The following GLIS3 variants were observed in gnomAD, a reference collection of about 807,000 sequenced individuals.
GLIS3 encodes the protein GLIS family zinc finger 3, also known as zinc finger protein GLIS3.
Under a neutral mutation model 78.6 loss-of-function variants are expected in GLIS3, and 53 were observed. The observed-to-expected ratio is 0.67, with a 90% CI of 0.54 to 0.85. GLIS3 has a LOEUF of 0.85. GLIS3 is among the 40% of genes least tolerant of loss of function. The probability of loss-of-function intolerance (pLI) is 0.00; values close to 1 mark genes in which losing one functional copy is unlikely to be tolerated. For synonymous variants in GLIS3, 684 were observed against 509.9 expected (o/e 1.34, Z -4.60); for missense variants, 1,703 against 1,231.1 (o/e 1.38, Z -5.74).
At chr9:4,045,461 G>T (rs572631291) in intron 4 of GLIS3, among the ~76,000 whole-genome samples, 1 of 151,368 alleles carries the variant, frequency 6.6e-6, no homozygotes, top group Non-Finnish European at 1.5e-5. Flanking sequence ...TCAGCCTCCC[G>T]AGTAGCTGGG....
At chr9:4,054,509 G>C (rs1418485880) in intron 4 of GLIS3, 2 of 985,126 alleles carry the variant, frequency 2.0e-6, no homozygotes, top group East Asian at 2.3e-4. Flanking sequence ...TACAGAAATG[G>C]CAGTCTACAG....
At chr9:4,007,802 G>C (rs999444901) in intron 4 of GLIS3, among the ~76,000 whole-genome samples, 1 of 148,764 alleles carries the variant, frequency 6.7e-6, no homozygotes, top group African/African-American at 2.5e-5. Context: ...TCTTGCTTTG[G>C]AAGGATCAGG....
rs912716937 is a variant in GLIS3, at chr9:4,258,082, A to C, written c.388+27956T>G. ...TATGCCTATGTACACACAACACAAA[A>C]CTAGAACAGCAGTAGGGCTAGGGTT... is the stretch of plus-strand genomic sequence containing the variant. On this transcript the variant is annotated intron_variant, in intron 2 of 10. Coordinates refer to ENST00000381971, the MANE Select transcript of GLIS3 (RefSeq NM_001042413.2). 3.9e-5 allele frequency among the ~76,000 whole-genome samples: 6 copies of C among 152,070 alleles called. No individual in the cohort carries two copies. The East Asian group carries it at 9.6e-4, about 24-fold the overall frequency.
chr9:4,227,594 C>T (rs1304377021), intron 2 of GLIS3, among the ~76,000 whole-genome samples: 1 of 152,124 alleles, frequency 6.6e-6, no homozygotes, highest in Admixed American at 6.5e-5. Flanking sequence ...CTGGAAAAGC[C>T]AGTAACTGCA....
In GLIS3 at chr9:3,932,341, G is replaced by A. The variant is rs185834040; in HGVS notation, c.1983+19C>T. On this transcript the variant is annotated intron_variant, in intron 6 of 10. Coordinates refer to ENST00000381971, the MANE Select transcript of GLIS3 (RefSeq NM_001042413.2). ...CTGAACATGCTTTTCCCGACTGGAA[G>A]ATTCTCTTTTAAAATTACCTTTTTC... The A allele has an allele frequency of 6.0e-4, 941 of 1,566,822 alleles. No homozygotes were observed. Among genetic ancestry groups the A allele is most frequent in the Non-Finnish European group, 7.7e-4 (879 of 1,137,404 alleles).
chr9:3,900,019 T>G (rs1021618771), intron 6 of GLIS3, among the ~76,000 whole-genome samples: 16 of 152,020 alleles, frequency 1.1e-4, no homozygotes, highest in Admixed American at 5.9e-4. Flanking sequence ...TACAGACCTA[T>G]GGGGGAAGAA....
At chr9:4,244,796 G>A (rs963767700) in intron 2 of GLIS3, among the ~76,000 whole-genome samples, 2 of 151,972 alleles carry the variant, frequency 1.3e-5, no homozygotes, top group African/African-American at 4.8e-5. Flanking sequence ...GGCTGGTCTC[G>A]AACTCCTGGC....
At chr9:4,316,373 T>C (rs1198598590) in intron 2 of GLIS3, among the ~76,000 whole-genome samples, 1 of 152,216 alleles carries the variant, frequency 6.6e-6, no homozygotes, top group Non-Finnish European at 1.5e-5. Flanking sequence ...ACTGACTTTA[T>C]TGCAAGTCAA....
rs549438768 is a variant in GLIS3 at position 4,260,454 on chromosome 9, C to T, written c.388+25584G>A. Among the ~76,000 whole-genome samples, 6 of 151,840 alleles carry T rather than the reference C, an allele frequency of 4.0e-5. No individual in the cohort carries two copies. The South Asian group carries it at 1.0e-3, about 26-fold the overall frequency. ...TGGTGGCAGGTGCCTGTAATCCCAGCTACTCGGGAGGCTGAGGCAGGAGAA... is the reference window on the plus strand; with the variant it reads ...TGGTGGCAGGTGCCTGTAATCCCAGTTACTCGGGAGGCTGAGGCAGGAGAA... On this transcript the variant is annotated intron_variant, in intron 2 of 10. Transcript: ENST00000381971.
At chr9:3,981,227 G>A (rs982921805) in intron 4 of GLIS3, among the ~76,000 whole-genome samples, 5 of 152,186 alleles carry the variant, frequency 3.3e-5, no homozygotes, top group African/African-American at 1.2e-4. Context: ...AAGGAGACAG[G>A]ACTTTAGGTC....
chr9:4,465,750 CA>C, the GLIS3 span, among the ~76,000 whole-genome samples: 1 of 151,832 alleles, frequency 6.6e-6, no homozygotes, highest in African/African-American at 2.4e-5. Flanking sequence ...TTTTTAAATT[CA>C]AAAAAATTTT....
At chr9:4,472,074 T>G in the GLIS3 span, among the ~76,000 whole-genome samples, 2 of 152,160 alleles carry the variant, frequency 1.3e-5, no homozygotes, top group African/African-American at 2.4e-5. Flanking sequence ...CTCACACCAG[T>G]TAGAATGGCA....
chr9:4,110,720 G>T (rs1831140953), intron 4 of GLIS3, among the ~76,000 whole-genome samples: 1 of 152,078 alleles, frequency 6.6e-6, no homozygotes, highest in Non-Finnish European at 1.5e-5. Context: ...ACTGTCCAGG[G>T]TTACAACAAG....
the GLIS3 span, among the ~76,000 whole-genome samples, chr9:4,468,232 T>C: frequency 4.6e-5 from 7 of 152,140 alleles, no homozygotes; most frequent in Admixed American, 3.9e-4. Flanking sequence ...TCCAGGAGAA[T>C]TTCCCCAACC....
At chr9:4,113,054 G>A (rs1242283945) in intron 4 of GLIS3, among the ~76,000 whole-genome samples, 1 of 151,524 alleles carries the variant, frequency 6.6e-6, no homozygotes, top group African/African-American at 2.4e-5. Context: ...ATATAATATT[G>A]CCCGGTTTGT....
At chr9:3,862,757 C>T (rs148906621) in intron 8 of GLIS3, among the ~76,000 whole-genome samples, 146 of 152,182 alleles carry the variant, frequency 9.6e-4, no homozygotes, top group Middle Eastern at 6.8e-3. Context: ...TCTTTCCCTC[C>T]GCCCCCCGTC....
chr9:4,437,039 G>C, the GLIS3 span, among the ~76,000 whole-genome samples: 1 of 152,068 alleles, frequency 6.6e-6, no homozygotes, highest in Non-Finnish European at 1.5e-5. Flanking sequence ...CTGGAGAAGA[G>C]GAAGAATTTT....
chr9:3,982,576 G>A (rs1819391161), intron 4 of GLIS3, among the ~76,000 whole-genome samples: 1 of 152,138 alleles, frequency 6.6e-6, no homozygotes, highest in African/African-American at 2.4e-5. Context: ...CTTCATGAAT[G>A]CAGGAAAAAA....
the GLIS3 span, among the ~76,000 whole-genome samples, chr9:4,481,028 G>C: frequency 6.6e-6 from 1 of 152,020 alleles, no homozygotes; most frequent in African/African-American, 2.4e-5. Flanking sequence ...CTAATTTTTT[G>C]TATTTTTTGT....
Sources: gnomAD v4.1 joint callset for allele counts (sites outside exome capture counted in the v4.1 genomes callset) on GRCh38, gnomAD v4.1.1 for gene constraint, MANE v1.5 for transcripts, NCBI Gene and HGNC (gene_info 2026-07-23, HGNC 2026-07-21) for gene names.